HSP90B1: variants seen among roughly 807,000 people sequenced by gnomAD.
HSP90B1 encodes heat shock protein 90 beta family member 1, also known as endoplasmin.
A neutral mutation model predicts 100.4 loss-of-function variants in HSP90B1; 27 were observed. That is an observed-to-expected ratio of 0.27 (90% CI 0.20 to 0.37). The LOEUF is 0.37. Ranked by LOEUF, HSP90B1 falls within the 10% of genes least tolerant of loss-of-function variation. The pLI, the probability that HSP90B1 is intolerant of heterozygous loss-of-function variation, is 1.00. For missense variants in HSP90B1, 678 were observed against 960.5 expected (o/e 0.71, Z 3.89); for synonymous variants, 304 against 330.8 (o/e 0.92, Z 0.88).
At position 103,937,885 on chromosome 12, in the gene HSP90B1, A is replaced by G. The variant is rs1005200059; in HGVS notation, c.855+79A>G. On this transcript the variant is annotated intron_variant, in intron 6 of 17. Transcript: ENST00000299767. ...TATTCAACACTAAAAGAATGAAGGC[A>G]GGCCGGCGCGGTGGCTCATGCTTGT... 15 of 755,250 alleles carry G rather than the reference A, an allele frequency of 2.0e-5. No individual in the cohort carries two copies. The Admixed American group carries it at 2.7e-4, about 14-fold the overall frequency. 46.8% of individuals were successfully genotyped at this position (755,250 alleles called of 1,614,324 possible).
rs1038665240 is a variant in HSP90B1, at chr12:103,941,562, A to G, written c.1230+15A>G. On this transcript the variant is annotated intron_variant, in intron 9 of 17. Coordinates refer to ENST00000299767, the MANE Select transcript of HSP90B1 (RefSeq NM_003299.3). ...ATTACATTAAGGTGAGTTTTTAAGT[A>G]GTACATGCTGCGTTTAAAATTTGAA... 4 of 1,614,088 alleles carry G rather than the reference A, an allele frequency of 2.5e-6. No individual in the cohort carries two copies. Among genetic ancestry groups the G allele is most frequent in the Non-Finnish European group, 3.4e-6 (4 of 1,179,978 alleles).
chr12:103,933,455 C>T (rs1328874215), intron 4 of HSP90B1, among the ~76,000 whole-genome samples: 2 of 152,224 alleles, frequency 1.3e-5, no homozygotes, highest in Non-Finnish European at 2.9e-5. Context: ...TCCTTTACAA[C>T]TCATTGGCCA....
rs201978182 is a variant in HSP90B1, at chr12:103,947,300, G to A, written c.2263-11G>A. On this transcript the variant is annotated splice_polypyrimidine_tract_variant and intron_variant, in intron 16 of 17. Coordinates refer to ENST00000299767, the MANE Select transcript of HSP90B1 (RefSeq NM_003299.3). ...CCAAGGCATTAATGGGCCCATAAATGTTGTGTTTAGGTGGAAGAAGAGCCC... is the reference window on the plus strand; with the variant it reads ...CCAAGGCATTAATGGGCCCATAAATATTGTGTTTAGGTGGAAGAAGAGCCC... 1,475 of 1,578,474 alleles carry A rather than the reference G, an allele frequency of 9.3e-4. 19 individuals carry two copies. The South Asian group carries it at 0.013, about 14-fold the overall frequency.
intron 16 of HSP90B1, 142 bp downstream of exon 16, chr12:103,947,083 T>C: frequency 1.8e-6 from 2 of 1,088,646 alleles, no homozygotes; most frequent in Non-Finnish European, 2.6e-6. Context: ...ATTGAATGTT[T>C]GAATCCCTGT....
At chr12:103,934,792 C>A (rs185282164) in intron 5 of HSP90B1, among the ~76,000 whole-genome samples, 11 of 152,328 alleles carry the variant, frequency 7.2e-5, no homozygotes, top group Admixed American at 5.2e-4. Context: ...ACCTCCGCTT[C>A]CTGGGTTCAA....
Position 103,932,311 on chromosome 12 carries a change from G to A in HSP90B1, c.187G>A (p.Ala63Thr), listed in dbSNP as rs377222712. 74 of 1,612,558 alleles carry A rather than the reference G, an allele frequency of 4.6e-5. No homozygotes were observed. The highest frequency in any genetic ancestry group is 5.8e-5 in the Non-Finnish European group (68 of 1,179,268). ...AGCTATTCAGTTGGATGGATTAAATGCATCACAAATAAGAGAACTTAGAGA... is the reference window on the plus strand; with the variant it reads ...AGCTATTCAGTTGGATGGATTAAATACATCACAAATAAGAGAACTTAGAGA... ...EEAIQLDGLNASQIRELREKS... is the reference protein window; with the variant it reads ...EEAIQLDGLNTSQIRELREKS... Residue 63 changes from alanine (A) to threonine (T), a missense_variant, in exon 3 of 18, where the codon GCA becomes ACA. Ala to Thr is a moderately conservative substitution (Grantham distance 58). This residue lies in a region of HSP90B1 where 88 missense variants were observed against 88.2 expected (regional missense o/e 1.00). Coordinates refer to ENST00000299767, the MANE Select transcript of HSP90B1 (RefSeq NM_003299.3).
In HSP90B1 at chr12:103,930,629, G is replaced by A. The variant is rs1473210275; in HGVS notation, c.49+65G>A. 1.3e-6 allele frequency: 2 copies of A among 1,523,528 alleles called. No homozygotes were observed. The highest frequency in any genetic ancestry group is 1.8e-6 in the Non-Finnish European group (2 of 1,123,414). The allele number at this position is 1,523,528 out of a possible 1,614,324, so 94.4% of individuals were successfully genotyped here. On this transcript the variant is annotated intron_variant, in intron 1 of 17. Coordinates refer to ENST00000299767, the MANE Select transcript of HSP90B1 (RefSeq NM_003299.3). The surrounding 1 kb of genome is among the most constrained non-coding windows in gnomAD (Gnocchi z 4.4). The stretch of plus-strand genomic sequence containing the variant: ...ACGCGGCCGCTTCTCGAAGGTCCTG[G>A]GGGCGTTGAACGTGGGAGGGGGGAT...
intron 14 of HSP90B1, among the ~76,000 whole-genome samples, chr12:103,945,413 C>T (rs896436769): frequency 6.6e-6 from 1 of 152,148 alleles, no homozygotes; most frequent in Non-Finnish European, 1.5e-5. Context: ...GTCCTCAGAG[C>T]TTTAAACTAG....
intron 14 of HSP90B1, among the ~76,000 whole-genome samples, chr12:103,944,618 G>A (rs767652090): frequency 7.3e-5 from 11 of 149,702 alleles, no homozygotes; most frequent in East Asian, 2.0e-4. Flanking sequence ...GTACAGTGGC[G>A]CAATCTCTGC....
intron 8 of HSP90B1, 42 bp from the exon 9 acceptor site, chr12:103,941,368 C>T: frequency 1.2e-6 from 2 of 1,600,728 alleles, no homozygotes; most frequent in Non-Finnish European, 1.7e-6. Flanking sequence ...CACTGCTTTT[C>T]TCCTGTGTCG....
intron 14 of HSP90B1, among the ~76,000 whole-genome samples, chr12:103,945,821 C>T (rs144200879): frequency 9.2e-5 from 14 of 152,304 alleles, no homozygotes; most frequent in East Asian, 1.9e-4. Context: ...ACATGGCTCA[C>T]GTGTGTAATC....
intron 7 of HSP90B1, 113 bp from the exon 8 acceptor site, chr12:103,939,396 C>G (rs369859308): frequency 1.0e-4 from 57 of 548,520 alleles, no homozygotes; most frequent in African/African-American, 1.0e-3. Context: ...AGCCACCACA[C>G]CAGTCCTCTG....
At position 103,947,186 on chromosome 12, in the gene HSP90B1, G is replaced by A. The variant is rs548524120; in HGVS notation, c.2263-125G>A. 3.2e-5 allele frequency: 42 copies of A among 1,318,462 alleles called. 2 individuals carry two copies. The South Asian group carries it at 6.0e-4, about 19-fold the overall frequency. 81.7% of individuals were successfully genotyped at this position (1,318,462 alleles called of 1,614,324 possible). On this transcript the variant is annotated intron_variant, in intron 16 of 17. Transcript: ENST00000299767. ...TTTGTTAGCTTGGCTGTTCATTCTA[G>A]TTAAGAGGATTTAGTCTGTGGTTCT...
chr12:103,935,693 C>T (rs761881414), intron 5 of HSP90B1, among the ~76,000 whole-genome samples: 13 of 152,156 alleles, frequency 8.5e-5, no homozygotes, highest in Non-Finnish European at 1.5e-4. Flanking sequence ...CATTTGGAGG[C>T]ATCACTAAGA....
At chr12:103,934,367 G>C in intron 5 of HSP90B1, 80 bp downstream of exon 5, 1 of 1,123,844 alleles carries the variant, frequency 8.9e-7, no homozygotes, top group Non-Finnish European at 1.3e-6. Flanking sequence ...CTGAGCAAAT[G>C]ACTTATTCTG....
In HSP90B1 at chr12:103,943,658, G is replaced by A; in HGVS notation, c.1891-80G>A. The A allele has an allele frequency of 7.2e-7, 1 of 1,380,058 alleles. No homozygotes were observed. Among genetic ancestry groups the A allele is most frequent in the Non-Finnish European group, 1.0e-6 (1 of 999,718 alleles). The allele number at this position is 1,380,058 out of a possible 1,614,324, so 85.5% of individuals were successfully genotyped here. Reference sequence around the variant, plus strand: ...TGTGTTTATGATCTTAAGTGATAAAGTCTTAGACAGTTGAAAGACAATTGC... The same window carrying A: ...TGTGTTTATGATCTTAAGTGATAAAATCTTAGACAGTTGAAAGACAATTGC... On this transcript the variant is annotated intron_variant, in intron 13 of 17. Transcript: ENST00000299767. This position sits in a 1 kb window ranked among gnomAD's most constrained non-coding sequence, Gnocchi z 5.3.
chr12:103,940,650 A>C (rs996862281), intron 8 of HSP90B1, among the ~76,000 whole-genome samples: 2 of 151,854 alleles, frequency 1.3e-5, no homozygotes, highest in Non-Finnish European at 2.9e-5. Context: ...TATTAGAAAT[A>C]TAATTAATGT....
Position 103,930,659 on chromosome 12 carries a change from G to A in HSP90B1, c.49+95G>A. ...GTTGAACGTGGGAGGGGGGATCCCG[G>A]GGCCTGCGGTGGGCCAAGGGACGTC... On this transcript the variant is annotated intron_variant, in intron 1 of 17. Transcript: ENST00000299767. This position sits in a 1 kb window ranked among gnomAD's most constrained non-coding sequence, Gnocchi z 4.4. 2 of 1,271,126 alleles carry A rather than the reference G, an allele frequency of 1.6e-6. No individual in the cohort carries two copies. Among genetic ancestry groups the A allele is most frequent in the Non-Finnish European group, 2.2e-6 (2 of 909,974 alleles). The allele number at this position is 1,271,126 out of a possible 1,614,324, so 78.7% of individuals were successfully genotyped here.
At chr12:103,947,057 C>T in intron 16 of HSP90B1, 116 bp downstream of exon 16, 1 of 1,212,902 alleles carries the variant, frequency 8.2e-7, no homozygotes, top group Non-Finnish European at 1.2e-6. Context: ...TAATTTCTAC[C>T]TTTTGAAAGA....
Sources: gnomAD v4.1 joint callset for allele counts (sites outside exome capture counted in the v4.1 genomes callset) on GRCh38, gnomAD v4.1.1 for gene constraint, gnomAD v4.1.1 regional missense constraint, Gnocchi (gnomAD v3.1) non-coding constraint, MANE v1.5 for transcripts, NCBI Gene and HGNC (gene_info 2026-07-23, HGNC 2026-07-21) for gene names.